SLC71A1: variants seen among roughly 807,000 people sequenced by gnomAD.
The protein encoded by SLC71A1 is solute carrier family 71 member 1.
At chr1:100,046,112 A>G in the SLC71A1 span, among the ~76,000 whole-genome samples, 13,969 of 138,850 alleles carry the variant, frequency 0.1, 1,152 homozygotes, top group African/African-American at 0.24. Context: ...ATTGTGCTCT[A>G]TTGTCTATGT....
At chr1:100,040,570 C>T in the SLC71A1 span, among the ~76,000 whole-genome samples, 1 of 152,266 alleles carries the variant, frequency 6.6e-6, no homozygotes, top group African/African-American at 2.4e-5. Flanking sequence ...AAGTGATTCT[C>T]CTGCCTCAGC....
chr1:100,072,969 A>G, the SLC71A1 span, among the ~76,000 whole-genome samples: 2 of 152,018 alleles, frequency 1.3e-5, no homozygotes, highest in African/African-American at 4.8e-5. Context: ...TTGGCTGGGT[A>G]TCTCAGCCTT....
At chr1:100,043,756 G>C in the SLC71A1 span, among the ~76,000 whole-genome samples, 2 of 152,082 alleles carry the variant, frequency 1.3e-5, no homozygotes, top group South Asian at 4.1e-4. Flanking sequence ...TTAGTCTTAC[G>C]CCTTTGCGTC....
At chr1:100,061,924 A>G in the SLC71A1 span, 1 of 1,611,000 alleles carries the variant, frequency 6.2e-7, no homozygotes, top group Non-Finnish European at 8.5e-7. Flanking sequence ...ACCCAAGAGC[A>G]TGAAAGAAGT....
the SLC71A1 span, among the ~76,000 whole-genome samples, chr1:100,046,835 A>G: frequency 2.0e-5 from 3 of 152,292 alleles, no homozygotes; most frequent in Admixed American, 6.5e-5. Context: ...ATCTGTAGCT[A>G]TTGTAAGTGG....
chr1:100,046,382 C>T, the SLC71A1 span, among the ~76,000 whole-genome samples: 53 of 151,972 alleles, frequency 3.5e-4, no homozygotes, highest in African/African-American at 7.2e-4. Context: ...CCCACCACCA[C>T]GCCTGGCTAA....
At chr1:100,039,103 A>C in the SLC71A1 span, among the ~76,000 whole-genome samples, 1 of 152,360 alleles carries the variant, frequency 6.6e-6, no homozygotes, top group African/African-American at 2.4e-5. Flanking sequence ...TGCAGTGTGT[A>C]GTTAACCAGC....
At chr1:100,065,706 AAGCC>A in the SLC71A1 span, among the ~76,000 whole-genome samples, 753 of 98,758 alleles carry the variant, frequency 7.6e-3, 8 homozygotes, top group African/African-American at 0.036. Flanking sequence ...CCTTTTCCCT[AAGCC>A]TTTTCCCTTT....
the SLC71A1 span, among the ~76,000 whole-genome samples, chr1:100,065,425 A>G: frequency 6.6e-6 from 1 of 152,082 alleles, no homozygotes; most frequent in Admixed American, 6.6e-5. Context: ...TATGCTTTGA[A>G]AGAATATGGT....
At chr1:100,039,681 T>C in the SLC71A1 span, among the ~76,000 whole-genome samples, 6 of 152,228 alleles carry the variant, frequency 3.9e-5, no homozygotes, top group Admixed American at 3.9e-4. Flanking sequence ...TGCCTTTGTC[T>C]ACCTTTAGAA....
At chr1:100,082,180 G>A in the SLC71A1 span, 1 of 1,613,938 alleles carries the variant, frequency 6.2e-7, no homozygotes, top group Non-Finnish European at 8.5e-7. Flanking sequence ...AGAGGCCAAA[G>A]AACCTTTACT....
chr1:100,061,145 CATT>C, the SLC71A1 span, among the ~76,000 whole-genome samples: 1 of 152,124 alleles, frequency 6.6e-6, no homozygotes, highest in Non-Finnish European at 1.5e-5. Flanking sequence ...TTTGAAAGCT[CATT>C]ATGATTATAT....
At chr1:100,072,388 A>G in the SLC71A1 span, among the ~76,000 whole-genome samples, 1 of 152,138 alleles carries the variant, frequency 6.6e-6, no homozygotes. Flanking sequence ...TCATGTGCGC[A>G]TATCTCCATC....
chr1:100,044,076 G>A, the SLC71A1 span, among the ~76,000 whole-genome samples: 1 of 152,142 alleles, frequency 6.6e-6, no homozygotes, highest in African/African-American at 2.4e-5. Context: ...CCCAGTAGTG[G>A]GATTGCTGGA....
At chr1:100,058,769 A>G in the SLC71A1 span, 1 of 1,011,692 alleles carries the variant, frequency 9.9e-7, no homozygotes, top group East Asian at 2.4e-5. Context: ...ATATACATAC[A>G]TACACATACA....
chr1:100,038,413 C>G, the SLC71A1 span: 1 of 963,312 alleles, frequency 1.0e-6, no homozygotes. Context: ...CCCGGTGCCT[C>G]CCTCCCTTCC....
the SLC71A1 span, chr1:100,038,423 C>G: frequency 1.1e-6 from 1 of 915,640 alleles, no homozygotes; most frequent in Non-Finnish European, 1.7e-6. Context: ...CCCTCCCTTC[C>G]CCCACCCTGT....
chr1:100,061,864 G>A, the SLC71A1 span: 1 of 1,612,742 alleles, frequency 6.2e-7, no homozygotes, highest in Non-Finnish European at 8.5e-7. Context: ...TCTGTTTCTG[G>A]GGTTTTTGCA....
At chr1:100,062,200 T>C in the SLC71A1 span, 1 of 318,066 alleles carries the variant, frequency 3.1e-6, no homozygotes, top group Non-Finnish European at 5.7e-6. Context: ...TATTTTACCT[T>C]GTAGAGTTCT....
Sources: gnomAD v4.1 joint callset for allele counts (sites outside exome capture counted in the v4.1 genomes callset) on GRCh38, gnomAD v4.1.1 for gene constraint, MANE v1.5 for transcripts, NCBI Gene and HGNC (gene_info 2026-07-23, HGNC 2026-07-21) for gene names.